DNAH11: variants seen among roughly 807,000 people sequenced by gnomAD.
DNAH11 encodes dynein axonemal heavy chain 11.
In DNAH11, 442 loss-of-function variants were observed where a neutral mutation model predicts 526.0. The observed-to-expected ratio is 0.84, with a 90% CI of 0.78 to 0.91. The LOEUF is 0.91. Among genes scored for constraint, DNAH11 ranks in the 40% least tolerant of loss-of-function variants. DNAH11 has a pLI of 0.00. For synonymous variants in DNAH11, 2,461 were observed against 1,935.9 expected, an observed-to-expected ratio of 1.27 and a Z score of -7.12; for missense variants, 6,989 against 5,448.7, an observed-to-expected ratio of 1.28 and a Z score of -8.90.
chr7:21,601,084 G>A lies in DNAH11; in HGVS notation c.3330G>A (p.Lys1110=). 6.2e-7 allele frequency: 1 copy of A among 1,611,670 alleles called. No individual in the cohort carries two copies. Among genetic ancestry groups the A allele is most frequent in the Non-Finnish European group, 8.5e-7 (1 of 1,179,494 alleles). The change falls in exon 17 of 82, where the codon AAG becomes AAA. Residue 1110 remains lysine, a synonymous_variant. Transcript: ENST00000409508. ...EDFRVFDSWF[K]VDMKPFKVSL... ...TTAGAGTGTTTGATAGTTGGTTCAAGGTGGACATGAAGCCTTTCAAAGTGA... is the reference window on the plus strand; with the variant it reads ...TTAGAGTGTTTGATAGTTGGTTCAAAGTGGACATGAAGCCTTTCAAAGTGA...
At chr7:21,575,618 T>C (rs1014315404) in intron 8 of DNAH11, among the ~76,000 whole-genome samples, 1 of 152,196 alleles carries the variant, frequency 6.6e-6, no homozygotes, top group African/African-American at 2.4e-5. Context: ...TCCTTAGTAA[T>C]TCTTTTGGAA....
chr7:21,546,676 T>C (rs186655329), intron 2 of DNAH11, among the ~76,000 whole-genome samples: 113 of 152,342 alleles, frequency 7.4e-4, no homozygotes, highest in Middle Eastern at 3.4e-3. Flanking sequence ...CCAAAGTATA[T>C]AAAATGTCAT....
Position 21,600,908 on chromosome 7 carries a change from C to G in DNAH11, c.3233C>G (p.Thr1078Ser). Residue 1078 changes from threonine to serine, a missense_variant, in exon 16 of 82, where the codon ACT becomes AGT. Thr to Ser is a moderately conservative substitution (Grantham distance 58). Transcript: ENST00000409508. ...GAAGAAATTCCCGAACAACCACCAA[C>G]TCTTGAGCAATTCAAAGAACAGGCA... ...ANEEIPEQPP[T>S]LEQFKEQIDI... The G allele has an allele frequency of 5.0e-6, 8 of 1,613,804 alleles. No individual in the cohort carries two copies. The highest frequency in any genetic ancestry group is 6.8e-6 in the Non-Finnish European group (8 of 1,179,780).
chr7:21,899,458 G>A lies in DNAH11; in HGVS notation c.13162+10G>A. ...CAGTCCTTCTTAACTGGTAAGGGCT[G>A]ACGCAGTGCAGCCCCTGATGCACAC... On this transcript the variant is annotated intron_variant, in intron 80 of 81. Transcript: ENST00000409508. The A allele has an allele frequency of 6.2e-7, 1 of 1,606,082 alleles. No homozygotes were observed. Among genetic ancestry groups the A allele is most frequent in the Non-Finnish European group, 8.5e-7 (1 of 1,173,434 alleles).
At position 21,601,011 on chromosome 7, in the gene DNAH11, T is replaced by G. The variant is rs1339666864; in HGVS notation, c.3257T>G (p.Ile1086Ser). The G allele has an allele frequency of 6.2e-7, 1 of 1,610,846 alleles. No individual in the cohort carries two copies. Among genetic ancestry groups the G allele is most frequent in the African/African-American group, 1.3e-5 (1 of 74,644 alleles). ...TAATTAATCTTTTTCTCACTACAGATTGACATTTATGAAGCTTTGTATGTT... is the reference window on the plus strand; with the variant it reads ...TAATTAATCTTTTTCTCACTACAGAGTGACATTTATGAAGCTTTGTATGTT... The part of the protein sequence containing the change: ...PPTLEQFKEQ[I>S]DIYEALYVQM... The change falls in exon 17 of 82, where the codon ATT becomes AGT. Residue 1086 changes from isoleucine (I) to serine (S), a missense_variant and splice_region_variant. By Grantham distance (142) the Ile-to-Ser change is moderately radical. Transcript: ENST00000409508.
chr7:21,570,334 AGGTG>A, intron 7 of DNAH11, 35 bp downstream of exon 7: 1 of 1,546,398 alleles, frequency 6.5e-7, no homozygotes, highest in Non-Finnish European at 8.8e-7. Context: ...TTCATGTTGA[AGGTG>A]GGTGCAAAAA....
chr7:21,635,452 G>A (rs866103374), intron 25 of DNAH11, among the ~76,000 whole-genome samples: 5 of 152,126 alleles, frequency 3.3e-5, no homozygotes, highest in Middle Eastern at 3.4e-3. Context: ...CACCGTGCCC[G>A]GCCTATTTTT....
chr7:21,713,766 T>C (rs1784547182), intron 42 of DNAH11, among the ~76,000 whole-genome samples: 1 of 152,222 alleles, frequency 6.6e-6, no homozygotes, highest in African/African-American at 2.4e-5. Flanking sequence ...TCCTTACCTC[T>C]ACAGTGTAGT....
At chr7:21,825,901 G>A (rs1790270479) in intron 65 of DNAH11, among the ~76,000 whole-genome samples, 1 of 151,326 alleles carries the variant, frequency 6.6e-6, no homozygotes, top group Non-Finnish European at 1.5e-5. Flanking sequence ...GGAGCTCGCA[G>A]TGAGCCAAGA....
At chr7:21,831,699 A>G (rs796165847) in intron 65 of DNAH11, among the ~76,000 whole-genome samples, 12 of 152,304 alleles carry the variant, frequency 7.9e-5, no homozygotes, top group African/African-American at 2.9e-4. Flanking sequence ...GCTTCAGGAT[A>G]TACATAGATA....
intron 68 of DNAH11, among the ~76,000 whole-genome samples, chr7:21,859,929 G>A (rs1782994215): frequency 6.6e-6 from 1 of 152,002 alleles, no homozygotes; most frequent in South Asian, 2.1e-4. Context: ...TTTAAAATAA[G>A]GACATAAGTG....
At position 21,868,948 on chromosome 7, in the gene DNAH11, C is replaced by T. The variant is rs374560534; in HGVS notation, c.11924C>T (p.Ala3975Val). ...GGTCAGGAGACGGTGGCAGAAGTGG[C>T]CCTGGAGAAAGCTTCCAAAGGAGGA... ...GQGQETVAEV[A>V]LEKASKGGHW... The change falls in exon 73 of 82, where the codon GCC (alanine) becomes GTC (valine). Residue 3975 changes from alanine (A) to valine (V), a missense_variant. Coordinates refer to ENST00000409508, the MANE Select transcript of DNAH11 (RefSeq NM_001277115.2). 1.5e-4 allele frequency: 235 copies of T among 1,613,942 alleles called. No homozygotes were observed. In the South Asian group the frequency reaches 2.3e-3, roughly 16 times the overall value.
intron 65 of DNAH11, among the ~76,000 whole-genome samples, chr7:21,823,130 A>G (rs910109493): frequency 6.6e-6 from 1 of 151,994 alleles, no homozygotes; most frequent in Admixed American, 6.6e-5. Context: ...AGCTTGATGT[A>G]ATCCCATTTG....
rs75486045 is a variant in DNAH11 at position 21,546,409 on chromosome 7, A to G, written c.495+1260A>G. ...GGTATGCAGCAGGTGCTCAGATTTT[A>G]ATTGAACTGAATCTGATGACTTTGG... On this transcript the variant is annotated intron_variant, in intron 2 of 81. Transcript: ENST00000409508. Among the ~76,000 whole-genome samples, 146 of 152,280 alleles carry G rather than the reference A, an allele frequency of 9.6e-4. 3 individuals carry two copies. In the East Asian group the frequency reaches 0.024, roughly 25 times the overall value.
intron 28 of DNAH11, among the ~76,000 whole-genome samples, chr7:21,650,258 T>C (rs1186055319): frequency 6.6e-6 from 1 of 152,190 alleles, no homozygotes; most frequent in East Asian, 1.9e-4. Context: ...TACAAAATAT[T>C]ATACTGTGAT....
At chr7:21,808,808 G>A (rs1009018182) in intron 63 of DNAH11, among the ~76,000 whole-genome samples, 7 of 152,054 alleles carry the variant, frequency 4.6e-5, no homozygotes, top group East Asian at 3.8e-4. Flanking sequence ...GGTTGATTCC[G>A]TGTCTTGGCT....
chr7:21,861,867 G>A lies in DNAH11; in HGVS notation c.11217G>A (p.Leu3739=), dbSNP rs747508696. The A allele has an allele frequency of 1.1e-5, 17 of 1,612,482 alleles. No homozygotes were observed. The highest frequency in any genetic ancestry group is 1.4e-5 in the Non-Finnish European group (17 of 1,179,414). The stretch of plus-strand genomic sequence containing the variant: ...AAATTTCCCAGGCTTTTAACGTGCT[G>A]TTCCACAGAGCGATCGAGCAGGCTG... ...YQFSLKAFNV[L]FHRAIEQADK... Residue 3739 remains leucine (L), a synonymous_variant, in exon 69 of 82, where the codon CTG becomes CTA. Transcript: ENST00000409508.
chr7:21,578,288 C>A (rs1010402185), intron 8 of DNAH11, among the ~76,000 whole-genome samples: 2 of 152,180 alleles, frequency 1.3e-5, no homozygotes, highest in Non-Finnish European at 2.9e-5. Context: ...GAGAAATTGG[C>A]CAAAACAAAG....
chr7:21,892,294 G>C, intron 76 of DNAH11, 131 bp from the exon 77 acceptor site: 1 of 1,335,644 alleles, frequency 7.5e-7, no homozygotes, highest in Admixed American at 2.3e-5. Context: ...TTATAAAACA[G>C]TTTAGGGAGC....
Sources: gnomAD v4.1 joint callset for allele counts (sites outside exome capture counted in the v4.1 genomes callset) on GRCh38, gnomAD v4.1.1 for gene constraint, MANE v1.5 for transcripts, NCBI Gene and HGNC (gene_info 2026-07-23, HGNC 2026-07-21) for gene names.